Variants in MGAT4C observed in about 807,000 individuals in gnomAD.
MGAT4C encodes alpha-1,3-mannosyl-glycoprotein 4-beta-N-acetylglucosaminyltransferase C.
MGAT4C carries 19 observed loss-of-function variants against 40.1 expected under a neutral mutation model. The observed-to-expected ratio is 0.47, with a 90% CI of 0.33 to 0.70. The LOEUF (loss-of-function observed/expected upper bound fraction) is 0.70, where lower values mean the gene tolerates loss of function less well. Among genes scored for constraint, MGAT4C ranks in the 30% least tolerant of loss-of-function variants. MGAT4C has a pLI of 0.02. For missense variants in MGAT4C, 491 were observed against 563.2 expected, an observed-to-expected ratio of 0.87 and a Z score of 1.30; for synonymous variants, 181 against 187.1, an observed-to-expected ratio of 0.97 and a Z score of 0.27.
intron 4 of MGAT4C, among the ~76,000 whole-genome samples, chr12:86,280,435 T>C (rs1953189194): frequency 6.6e-6 from 1 of 151,952 alleles, no homozygotes; most frequent in African/African-American, 2.4e-5. Context: ...AGGTAACTAT[T>C]TGAAAAATAT....
chr12:86,025,591 G>A (rs1265394909), intron 2 of MGAT4C, among the ~76,000 whole-genome samples: 1 of 151,322 alleles, frequency 6.6e-6, no homozygotes, highest in Admixed American at 6.6e-5. Flanking sequence ...ATAAAGATAG[G>A]GAAAATAGGC....
chr12:86,646,062 C>A (rs990384899), intron 2 of MGAT4C, among the ~76,000 whole-genome samples: 2 of 151,834 alleles, frequency 1.3e-5, no homozygotes, highest in African/African-American at 4.8e-5. Flanking sequence ...AGAAGTATTT[C>A]TTTTCATTGA....
intron 2 of MGAT4C, among the ~76,000 whole-genome samples, chr12:86,509,642 T>A (rs959534806): frequency 2.0e-5 from 3 of 152,142 alleles, no homozygotes; most frequent in African/African-American, 4.8e-5. Context: ...ATCTGTAAAT[T>A]ACCTTGGGCA....
chr12:86,526,451 G>T (rs192644435), intron 2 of MGAT4C, among the ~76,000 whole-genome samples: 1 of 152,168 alleles, frequency 6.6e-6, no homozygotes, highest in East Asian at 1.9e-4. Context: ...TGAGGACAGA[G>T]CAGGTCAGCT....
At chr12:86,302,612 AGAG>A (rs1953842630) in intron 4 of MGAT4C, among the ~76,000 whole-genome samples, 3 of 150,570 alleles carry the variant, frequency 2.0e-5, no homozygotes, top group Non-Finnish European at 4.4e-5. Flanking sequence ...TATTTTTAGT[AGAG>A]ACAGGGTTTC....
chr12:86,128,334 G>C (rs926338726), intron 1 of MGAT4C, among the ~76,000 whole-genome samples: 1 of 152,184 alleles, frequency 6.6e-6, no homozygotes, highest in Non-Finnish European at 1.5e-5. Flanking sequence ...GGACCTGGTG[G>C]GAAATAATTT....
chr12:86,819,494 C>A (rs1952669008), intron 1 of MGAT4C, among the ~76,000 whole-genome samples: 1 of 150,730 alleles, frequency 6.6e-6, no homozygotes, highest in Non-Finnish European at 1.5e-5. Flanking sequence ...TTATCCAATG[C>A]AAAATAGTAG....
intron 2 of MGAT4C, among the ~76,000 whole-genome samples, chr12:86,592,729 A>G (rs925124228): frequency 6.6e-6 from 1 of 152,018 alleles, no homozygotes; most frequent in Non-Finnish European, 1.5e-5. Flanking sequence ...TGCTTATGAT[A>G]CCTCCAAGTT....
chr12:86,381,677 CA>C (rs1356924315), intron 3 of MGAT4C, among the ~76,000 whole-genome samples: 1 of 152,174 alleles, frequency 6.6e-6, no homozygotes, highest in Middle Eastern at 3.2e-3. Flanking sequence ...CAAACTGACA[CA>C]TAAAATTGTT....
In MGAT4C at chr12:85,973,889, A is replaced by T. The variant is rs1157365183; in HGVS notation, c.*5400T>A. 5.3e-5 allele frequency: 8 copies of T among 150,918 alleles called. No individual in the cohort carries two copies. The highest frequency in any genetic ancestry group is 1.9e-4 in the African/African-American group (8 of 41,324). 9.3% of individuals were successfully genotyped at this position (150,918 alleles called of 1,614,324 possible). A position where few individuals can be genotyped will look rare whatever the true frequency, so the allele number is the denominator to read the frequency against. On this transcript the variant is annotated 3_prime_UTR_variant, in exon 5 of 5. Coordinates refer to ENST00000611864, the MANE Select transcript of MGAT4C (RefSeq NM_001351288.2). Reference sequence around the variant, plus strand: ...CAAATGGTCTCAAACATACATTTCAATTTCAATGTTAAAAATAGGATATTA... The same window carrying T: ...CAAATGGTCTCAAACATACATTTCATTTTCAATGTTAAAAATAGGATATTA...
intron 1 of MGAT4C, among the ~76,000 whole-genome samples, chr12:86,765,041 G>T (rs1053018128): frequency 3.3e-5 from 5 of 152,194 alleles, no homozygotes; most frequent in Admixed American, 6.5e-5. Context: ...GTTGAGAGAA[G>T]AAGGCTTCAG....
rs559168021 is a variant in MGAT4C at position 85,960,660 on chromosome 12, G to A, written c.*18629C>T. On this transcript the variant is annotated 3_prime_UTR_variant, in exon 5 of 5. Transcript: ENST00000611864. Reference sequence around the variant, plus strand: ...TCTCCTTGGAAATATCTTTCAAAGTGGGTAATGAGAAAACTACTTTGAAGA... The same window carrying A: ...TCTCCTTGGAAATATCTTTCAAAGTAGGTAATGAGAAAACTACTTTGAAGA... 1.3e-5 allele frequency: 2 copies of A among 151,882 alleles called. No homozygotes were observed. Among genetic ancestry groups the A allele is most frequent in the Non-Finnish European group, 2.9e-5 (2 of 67,874 alleles). 9.4% of individuals were successfully genotyped at this position (151,882 alleles called of 1,614,324 possible).
At chr12:86,315,580 C>T (rs2136155022) in intron 4 of MGAT4C, among the ~76,000 whole-genome samples, 1 of 152,178 alleles carries the variant, frequency 6.6e-6, no homozygotes, top group East Asian at 1.9e-4. Context: ...GTGGCGGGCG[C>T]CTGTAGTCCC....
At chr12:86,708,990 G>A (rs1457421436) in intron 2 of MGAT4C, among the ~76,000 whole-genome samples, 6 of 152,098 alleles carry the variant, frequency 3.9e-5, no homozygotes, top group Admixed American at 3.9e-4. Flanking sequence ...GGAACTGTTG[G>A]GAAGGCATGA....
At chr12:86,039,092 T>C (rs971242391) in intron 2 of MGAT4C, among the ~76,000 whole-genome samples, 16 of 131,940 alleles carry the variant, frequency 1.2e-4, no homozygotes, top group African/African-American at 3.8e-4. Context: ...GTTTCACTGT[T>C]AGTCTGATGG....
chr12:86,551,998 G>A (rs1959385343), intron 2 of MGAT4C, among the ~76,000 whole-genome samples: 2 of 138,846 alleles, frequency 1.4e-5, no homozygotes, highest in African/African-American at 5.3e-5. Context: ...TACCAGATGT[G>A]TAGGCACACA....
intron 2 of MGAT4C, among the ~76,000 whole-genome samples, chr12:86,042,498 G>T (rs1337330018): frequency 6.6e-6 from 1 of 152,090 alleles, no homozygotes; most frequent in Non-Finnish European, 1.5e-5. Context: ...TTGTACAACA[G>T]GTCTGATGCA....
chr12:85,991,609 C>G (rs1015539967), intron 2 of MGAT4C, among the ~76,000 whole-genome samples: 1 of 152,176 alleles, frequency 6.6e-6, no homozygotes, highest in Non-Finnish European at 1.5e-5. Flanking sequence ...GCGCTTAAAG[C>G]CTGGAGGGTG....
In MGAT4C at chr12:86,038,540, CTTTA is replaced by C. The variant is rs143349417; in HGVS notation, c.-7+11130_-7+11133del. ...TTGATCTTTATTGTTTCAACCCTTG[CTTTA>C]TTTATTTATTTATTTATTTATTTTT... On this transcript the variant is annotated intron_variant, in intron 2 of 4. Transcript: ENST00000611864. Among the ~76,000 whole-genome samples the C allele has an allele frequency of 7.6e-3, 1,101 of 144,184 alleles. 30 individuals carry two copies. The highest frequency in any genetic ancestry group is 0.025 in the African/African-American group (1,000 of 39,448). 94.6% of individuals were successfully genotyped at this position (144,184 alleles called of 152,430 possible).
Sources: allele counts gnomAD v4.1 joint callset (sites outside exome capture counted in the v4.1 genomes callset), GRCh38; gene constraint gnomAD v4.1.1; transcripts MANE v1.5; gene names NCBI Gene and HGNC (gene_info 2026-07-23, HGNC 2026-07-21).